The following PLA2G4A variants were observed in gnomAD, a reference collection of about 807,000 sequenced individuals.
PLA2G4A encodes the protein cytosolic phospholipase A2.
PLA2G4A carries 40 observed loss-of-function variants against 81.9 expected under a neutral mutation model. The observed-to-expected ratio is 0.49, with a 90% CI of 0.38 to 0.64. The LOEUF (loss-of-function observed/expected upper bound fraction) is 0.64. Ranked by LOEUF, PLA2G4A falls within the 30% of genes least tolerant of loss-of-function variation. PLA2G4A has a pLI of 0.00. For synonymous variants in PLA2G4A, 302 were observed against 296.9 expected (o/e 1.02, Z -0.18); for missense variants, 715 against 905.1 (o/e 0.79, Z 2.69).
Position 186,850,504 on chromosome 1 carries a change from G to T in PLA2G4A, c.-69-3782G>T, listed in dbSNP as rs373012676. ...TGCTACCCCTAGATTGCCTCATTTT[G>T]TTTCTACAAGGTAAGAAGTCTTATA... On this transcript the variant is annotated intron_variant, in intron 1 of 17. Transcript: ENST00000367466. Among the ~76,000 whole-genome samples, 45 of 98,702 alleles carry T rather than the reference G, an allele frequency of 4.6e-4. No individual in the cohort carries two copies. The East Asian group carries it at 0.011, about 25-fold the overall frequency. 64.8% of individuals were successfully genotyped at this position (98,702 alleles called of 152,430 possible). A position where few individuals can be genotyped will look rare whatever the true frequency, so the allele number is the denominator to read the frequency against.
At chr1:186,909,164 CG>C (rs1208234776) in intron 6 of PLA2G4A, among the ~76,000 whole-genome samples, 17 of 149,516 alleles carry the variant, frequency 1.1e-4, no homozygotes, top group Admixed American at 8.0e-4. Context: ...TTAGTAGAGA[CG>C]GGGTTTCACC....
chr1:186,858,918 C>T (rs200164908), intron 2 of PLA2G4A, among the ~76,000 whole-genome samples: 8 of 147,872 alleles, frequency 5.4e-5, no homozygotes, highest in Non-Finnish European at 9.0e-5. Flanking sequence ...TGGGTGTGTG[C>T]GTGTGTGTGT....
intron 14 of PLA2G4A, among the ~76,000 whole-genome samples, chr1:186,960,448 A>C (rs924219752): frequency 2.0e-5 from 3 of 152,216 alleles, no homozygotes; most frequent in African/African-American, 7.2e-5. Context: ...ACACGTTTAG[A>C]AACCTTGTAC....
intron 16 of PLA2G4A, among the ~76,000 whole-genome samples, chr1:186,978,419 T>C (rs1334047514): frequency 1.3e-5 from 2 of 152,114 alleles, no homozygotes; most frequent in Non-Finnish European, 2.9e-5. Context: ...GTGTTTTCCA[T>C]TTTATAAATG....
chr1:186,985,712 C>T (rs993091616), intron 17 of PLA2G4A, among the ~76,000 whole-genome samples: 1 of 152,028 alleles, frequency 6.6e-6, no homozygotes, highest in Non-Finnish European at 1.5e-5. Flanking sequence ...TAGGAGGCTA[C>T]TGAATGGCAC....
intron 5 of PLA2G4A, among the ~76,000 whole-genome samples, chr1:186,899,562 C>T (rs1654465491): frequency 6.6e-6 from 1 of 152,132 alleles, no homozygotes; most frequent in African/African-American, 2.4e-5. Context: ...TTGATGGGAA[C>T]AGATCATCCA....
intron 13 of PLA2G4A, among the ~76,000 whole-genome samples, chr1:186,954,868 T>G (rs1656692386): frequency 6.6e-6 from 1 of 152,222 alleles, no homozygotes; most frequent in Non-Finnish European, 1.5e-5. Context: ...ATGCTTCTGC[T>G]GCTGCTGCTA....
At chr1:186,952,254 G>T (rs544317456) in intron 13 of PLA2G4A, among the ~76,000 whole-genome samples, 2 of 152,164 alleles carry the variant, frequency 1.3e-5, no homozygotes, top group Non-Finnish European at 2.9e-5. Context: ...AACCCCTACA[G>T]TACTAGCTGA....
intron 10 of PLA2G4A, among the ~76,000 whole-genome samples, chr1:186,945,097 G>T (rs1470323321): frequency 6.6e-6 from 1 of 152,106 alleles, no homozygotes; most frequent in Non-Finnish European, 1.5e-5. Flanking sequence ...GGCAGGGGTG[G>T]ATGATGTTGG....
At chr1:186,870,984 T>C (rs1425729310) in intron 3 of PLA2G4A, among the ~76,000 whole-genome samples, 1 of 152,192 alleles carries the variant, frequency 6.6e-6, no homozygotes, top group Non-Finnish European at 1.5e-5. Flanking sequence ...TCTTGTGACG[T>C]ACACATCTTG....
chr1:186,932,394 C>G (rs1016610733), intron 7 of PLA2G4A, among the ~76,000 whole-genome samples: 1 of 150,958 alleles, frequency 6.6e-6, no homozygotes, highest in Non-Finnish European at 1.5e-5. Context: ...TTCCTGGGTT[C>G]AAGCAATTCT....
intron 16 of PLA2G4A, among the ~76,000 whole-genome samples, chr1:186,978,589 A>G (rs1259464583): frequency 6.6e-6 from 1 of 152,222 alleles, no homozygotes; most frequent in African/African-American, 2.4e-5. Context: ...TGACATTTTT[A>G]GTTATCAGAC....
At chr1:186,876,159 A>G (rs1450198748) in intron 3 of PLA2G4A, among the ~76,000 whole-genome samples, 2 of 152,074 alleles carry the variant, frequency 1.3e-5, no homozygotes, top group African/African-American at 4.8e-5. Context: ...TTGTAATGTG[A>G]GGGATGCATG....
chr1:186,867,013 G>C (rs1291606291), intron 2 of PLA2G4A, among the ~76,000 whole-genome samples: 1 of 151,942 alleles, frequency 6.6e-6, no homozygotes, highest in African/African-American at 2.4e-5. Flanking sequence ...TTATTTATGT[G>C]CGTCTGTTTT....
At chr1:186,857,151 T>TATTCTATAATATATATTATATAATA in intron 2 of PLA2G4A, among the ~76,000 whole-genome samples, 1 of 37,994 alleles carries the variant, frequency 2.6e-5, no homozygotes, top group Non-Finnish European at 3.9e-5. Context: ...AATTATATAA[T>TATTCTATAATATATATTATATAATA]TACATAATAT....
chr1:186,866,058 A>G (rs1363900093), intron 2 of PLA2G4A, among the ~76,000 whole-genome samples: 1 of 152,130 alleles, frequency 6.6e-6, no homozygotes, highest in African/African-American at 2.4e-5. Context: ...ACCAGCCACC[A>G]TTGTCCTGAG....
chr1:186,865,198 A>G (rs1264858339), intron 2 of PLA2G4A, among the ~76,000 whole-genome samples: 1 of 151,436 alleles, frequency 6.6e-6, no homozygotes, highest in African/African-American at 2.4e-5. Context: ...CATATTTCTG[A>G]TTTTGATTTT....
chr1:186,959,507 G>A (rs779495003), intron 14 of PLA2G4A, among the ~76,000 whole-genome samples: 3 of 151,974 alleles, frequency 2.0e-5, no homozygotes, highest in African/African-American at 4.8e-5. Flanking sequence ...TCATTTTTAT[G>A]TATTCAGTTG....
intron 2 of PLA2G4A, among the ~76,000 whole-genome samples, chr1:186,862,521 T>C (rs373089011): frequency 1.4e-4 from 22 of 152,304 alleles, no homozygotes; most frequent in African/African-American, 4.1e-4. Flanking sequence ...CTGAACCTTT[T>C]ATTTGTTGCT....
Sources: gnomAD v4.1 joint callset for allele counts (sites outside exome capture counted in the v4.1 genomes callset) on GRCh38, gnomAD v4.1.1 for gene constraint, MANE v1.5 for transcripts, NCBI Gene and HGNC (gene_info 2026-07-23, HGNC 2026-07-21) for gene names.